The following NPSR1 variants were observed in gnomAD, a reference collection of about 807,000 sequenced individuals.
The protein encoded by NPSR1 is neuropeptide S receptor.
In NPSR1, 48 loss-of-function variants were observed where a neutral mutation model predicts 46.9. The observed-to-expected ratio is 1.02, with a 90% CI of 0.81 to 1.30. The LOEUF is 1.30. Ranked by LOEUF, NPSR1 falls within the 50% of genes most tolerant of loss-of-function variation. NPSR1 has a pLI of 0.00. For missense variants in NPSR1, 450 were observed against 449.5 expected (o/e 1.00, Z -0.01); for synonymous variants, 176 against 168.1 (o/e 1.05, Z -0.36).
At chr7:34,770,473 CA>C (rs1176873460) in intron 2 of NPSR1, among the ~76,000 whole-genome samples, 7 of 152,148 alleles carry the variant, frequency 4.6e-5, no homozygotes, top group Admixed American at 4.6e-4. Context: ...AAAGCAAATA[CA>C]GACAGGCGAA....
chr7:34,791,992 T>C (rs1307612250), intron 3 of NPSR1, among the ~76,000 whole-genome samples: 2 of 152,096 alleles, frequency 1.3e-5, no homozygotes, highest in East Asian at 3.9e-4. Context: ...CAACAAGGTG[T>C]TGGAAAACTG....
At position 34,714,349 on chromosome 7, in the gene NPSR1, T is replaced by C. The variant is rs532888943; in HGVS notation, c.280+29665T>C. Among the ~76,000 whole-genome samples, 6 of 152,292 alleles carry C rather than the reference T, an allele frequency of 3.9e-5. No homozygotes were observed. In the South Asian group the frequency reaches 1.2e-3, roughly 32 times the overall value. On this transcript the variant is annotated intron_variant, in intron 2 of 8. Coordinates refer to ENST00000360581, the MANE Select transcript of NPSR1 (RefSeq NM_207172.2). ...AGACGGGACCACACAAGGGTGCGAATAATATGAAACTTGGCTCATTGGGGG... is the reference window on the plus strand; with the variant it reads ...AGACGGGACCACACAAGGGTGCGAACAATATGAAACTTGGCTCATTGGGGG...
intron 2 of NPSR1, among the ~76,000 whole-genome samples, chr7:34,720,116 C>T (rs1197464701): frequency 6.6e-6 from 1 of 151,998 alleles, no homozygotes. Context: ...CCTATCTCTA[C>T]TAAAAATACA....
intron 4 of NPSR1, among the ~76,000 whole-genome samples, chr7:34,821,112 T>G (rs575000913): frequency 4.0e-5 from 6 of 149,758 alleles, no homozygotes; most frequent in African/African-American, 1.2e-4. Flanking sequence ...TTTACATTCA[T>G]GGATTTGTGA....
chr7:34,710,242 T>C (rs1783208702), intron 2 of NPSR1, among the ~76,000 whole-genome samples: 1 of 152,234 alleles, frequency 6.6e-6, no homozygotes, highest in African/African-American at 2.4e-5. Flanking sequence ...GGTAGGTTTG[T>C]AGAGGATGAG....
intron 4 of NPSR1, 49 bp downstream of exon 4, chr7:34,811,912 G>C (rs1205950676): frequency 8.4e-7 from 1 of 1,184,824 alleles, no homozygotes; most frequent in Admixed American, 1.8e-5. Context: ...GTCCTTGAGT[G>C]AGGGTAGGAT....
chr7:34,804,845 A>C (rs1038723295), intron 3 of NPSR1, among the ~76,000 whole-genome samples: 30 of 152,050 alleles, frequency 2.0e-4, no homozygotes, highest in African/African-American at 7.0e-4. Flanking sequence ...AAAAAATGGC[A>C]ACACTGAAGA....
intron 8 of NPSR1, chr7:34,871,372 C>T (rs1791449166): frequency 6.6e-6 from 1 of 151,808 alleles, no homozygotes; most frequent in South Asian, 2.1e-4. Context: ...TCCCACTAGG[C>T]CCCATCTCCA....
chr7:34,762,088 TA>T (rs1583968901), intron 2 of NPSR1, among the ~76,000 whole-genome samples: 1 of 152,302 alleles, frequency 6.6e-6, no homozygotes, highest in East Asian at 1.9e-4. Context: ...TGGGTTTCCT[TA>T]ATTAGACACA....
chr7:34,769,796 A>G lies in NPSR1; in HGVS notation c.281-8666A>G, dbSNP rs963288945. On this transcript the variant is annotated intron_variant, in intron 2 of 8. Coordinates refer to ENST00000360581, the MANE Select transcript of NPSR1 (RefSeq NM_207172.2). The stretch of plus-strand genomic sequence containing the variant: ...GGACAATAAAGCCTGTTGTGACTCT[A>G]CTTCGGCTTTTCTGAGTATTAAAAT... 2.0e-5 allele frequency among the ~76,000 whole-genome samples: 3 copies of G among 152,322 alleles called. No individual in the cohort carries two copies. In the East Asian group the frequency reaches 5.8e-4, roughly 29 times the overall value.
intron 2 of NPSR1, among the ~76,000 whole-genome samples, chr7:34,690,007 C>A (rs1230359515): frequency 6.6e-6 from 1 of 151,716 alleles, no homozygotes; most frequent in African/African-American, 2.4e-5. Flanking sequence ...CTGCACAGCA[C>A]TGGAAAATGT....
At chr7:34,717,682 T>G (rs1783647476) in intron 2 of NPSR1, among the ~76,000 whole-genome samples, 1 of 152,208 alleles carries the variant, frequency 6.6e-6, no homozygotes, top group African/African-American at 2.4e-5. Context: ...CAGTAGGGTC[T>G]TCAGGGTCTC....
Position 34,684,621 on chromosome 7 carries a change from T to G in NPSR1, c.217T>G (p.Ser73Ala). 1 of 1,613,932 alleles carries G rather than the reference T, an allele frequency of 6.2e-7. No homozygotes were observed. ...TGTTGGAAACTCCGTTGTGCTTTTTTCCACATGGAGGAGAAAGAAGAAGTC... is the reference window on the plus strand; with the variant it reads ...TGTTGGAAACTCCGTTGTGCTTTTTGCCACATGGAGGAGAAAGAAGAAGTC... ...TIVGNSVVLF[S>A]TWRRKKKSRM... Residue 73 changes from serine to alanine, a missense_variant, in exon 2 of 9, where the codon TCC (serine) becomes GCC (alanine). Ser to Ala is a moderately conservative substitution (Grantham distance 99). Coordinates refer to ENST00000360581, the MANE Select transcript of NPSR1 (RefSeq NM_207172.2).
intron 1 of NPSR1, among the ~76,000 whole-genome samples, chr7:34,670,968 G>A (rs2530571): frequency 0.53 from 80,784 of 151,696 alleles, 23,094 homozygotes; most frequent in African/African-American, 0.75. Context: ...ATGTATTCAG[G>A]CACTGCTTAG....
At chr7:34,786,780 T>C (rs1787485151) in intron 3 of NPSR1, among the ~76,000 whole-genome samples, 1 of 152,142 alleles carries the variant, frequency 6.6e-6, no homozygotes. Context: ...CAATGAGCAG[T>C]GATATTTGGA....
chr7:34,725,984 T>C (rs117868224), intron 2 of NPSR1, among the ~76,000 whole-genome samples: 2,530 of 152,306 alleles, frequency 0.017, 29 homozygotes, highest in Middle Eastern at 0.027. Flanking sequence ...GATATGACTT[T>C]GCTCCTCCTT....
chr7:34,716,283 T>A (rs182615563), intron 2 of NPSR1, among the ~76,000 whole-genome samples: 3 of 152,284 alleles, frequency 2.0e-5, no homozygotes, highest in Admixed American at 2.0e-4. Context: ...ATATAATTAC[T>A]AGCCCATAAA....
chr7:34,851,895 G>A (rs1358459093), downstream of NPSR1, among the ~76,000 whole-genome samples: 1 of 152,168 alleles, frequency 6.6e-6, no homozygotes, highest in African/African-American at 2.4e-5. Context: ...GGTTGCTGCA[G>A]GATAATCTAC....
chr7:34,772,978 A>G (rs1249582704), intron 2 of NPSR1, among the ~76,000 whole-genome samples: 1 of 152,090 alleles, frequency 6.6e-6, no homozygotes, highest in African/African-American at 2.4e-5. Flanking sequence ...TTTTAGTTCA[A>G]TGGTACCTTT....
Sources: allele counts gnomAD v4.1 joint callset (sites outside exome capture counted in the v4.1 genomes callset), GRCh38; gene constraint gnomAD v4.1.1; transcripts MANE v1.5; gene names NCBI Gene and HGNC (gene_info 2026-07-23, HGNC 2026-07-21).